AXDND1: variants seen among roughly 807,000 people sequenced by gnomAD.
AXDND1 encodes axonemal dynein light chain domain containing 1.
AXDND1 carries 110 observed loss-of-function variants against 137.5 expected under a neutral mutation model. The ratio of observed to expected loss-of-function variants is 0.80; its 90% CI spans 0.69 to 0.94. The LOEUF (loss-of-function observed/expected upper bound fraction) is 0.94, where lower values mean the gene tolerates loss of function less well. AXDND1 is among the 40% of genes least tolerant of loss of function. The pLI, the probability that AXDND1 is intolerant of heterozygous loss-of-function variation, is 0.00. For synonymous variants in AXDND1, 414 were observed against 399.7 expected (o/e 1.04, Z -0.43); for missense variants, 1,191 against 1,169.8 (o/e 1.02, Z -0.26).
intron 9 of AXDND1, among the ~76,000 whole-genome samples, chr1:179,390,017 GTT>G (rs35107498): frequency 1.4e-5 from 2 of 140,924 alleles, no homozygotes; most frequent in Admixed American, 7.2e-5. Flanking sequence ...ACCTAGATCA[GTT>G]TTTTTTTTTT....
chr1:179,399,780 AT>A (rs1651672412), intron 11 of AXDND1, among the ~76,000 whole-genome samples: 1 of 152,338 alleles, frequency 6.6e-6, no homozygotes, highest in East Asian at 1.9e-4. Context: ...TGAATAGACA[AT>A]TCTCAAAAGA....
chr1:179,521,907 G>A (rs1670098236), intron 21 of AXDND1, among the ~76,000 whole-genome samples: 1 of 151,860 alleles, frequency 6.6e-6, no homozygotes, highest in African/African-American at 2.4e-5. Context: ...CCTTTGAAGT[G>A]AATTCATCTC....
chr1:179,535,018 G>C, intron 25 of AXDND1, 56 bp downstream of exon 25: 1 of 1,603,824 alleles, frequency 6.2e-7, no homozygotes, highest in East Asian at 2.2e-5. Context: ...AAGAAAATTT[G>C]ACTGGGCCAC....
intron 2 of AXDND1, among the ~76,000 whole-genome samples, chr1:179,367,570 C>T (rs1450463579): frequency 6.6e-6 from 1 of 151,478 alleles, no homozygotes. Flanking sequence ...AACCCGGTCT[C>T]TACTAAAAAT....
chr1:179,554,439 T>C, intron 25 of AXDND1, 73 bp from the exon 26 acceptor site: 3 of 1,613,166 alleles, frequency 1.9e-6, no homozygotes, highest in Non-Finnish European at 2.5e-6. Context: ...ATATTTTCCT[T>C]TATCATACAG....
intron 16 of AXDND1, chr1:179,454,828 T>G (rs1187252551): frequency 6.6e-6 from 1 of 152,126 alleles, no homozygotes; most frequent in East Asian, 1.9e-4. Flanking sequence ...GCACGGTGGC[T>G]CAAACCTATA....
intron 18 of AXDND1, among the ~76,000 whole-genome samples, chr1:179,484,023 T>C (rs904226575): frequency 1.1e-4 from 16 of 152,098 alleles, no homozygotes; most frequent in East Asian, 3.9e-4. Flanking sequence ...AGAGGGAAGA[T>C]AGAGATGCTG....
chr1:179,525,409 A>G lies in AXDND1; in HGVS notation c.2572A>G (p.Arg858Gly). 1 of 1,611,774 alleles carries G rather than the reference A, an allele frequency of 6.2e-7. No homozygotes were observed. The highest frequency in any genetic ancestry group is 2.2e-5 in the East Asian group (1 of 44,766). The change falls in exon 22 of 26, where the codon AGG becomes GGG. Residue 858 changes from arginine (R) to glycine (G), a missense_variant. Transcript: ENST00000367618. ...AGATGAAGAAGAAAGTAAGGAGGAT[A>G]GGAAACTTCAGGAGGAAAATAAAGA... Reference protein sequence around the residue: ...KEDEEESKEDRKLQEENKERA... With the variant: ...KEDEEESKEDGKLQEENKERA...
rs115052026 is a variant in AXDND1 at position 179,376,897 on chromosome 1, A to G, written c.375-1740A>G. 5.6e-3 allele frequency among the ~76,000 whole-genome samples: 858 copies of G among 152,194 alleles called. 12 individuals are homozygous for G. The highest frequency in any genetic ancestry group is 0.019 in the African/African-American group (795 of 41,522). ...TGAATTTTGGGCACGTTAATGTACA[A>G]TCCTATAACCCAGGGCACCCAAATT... On this transcript the variant is annotated intron_variant, in intron 4 of 25. Transcript: ENST00000367618.
chr1:179,484,213 G>A (rs1350679277), intron 18 of AXDND1, among the ~76,000 whole-genome samples: 2 of 152,206 alleles, frequency 1.3e-5, no homozygotes, highest in South Asian at 2.1e-4. Flanking sequence ...AGTCACTTGA[G>A]CTGGCAGAGA....
intron 17 of AXDND1, among the ~76,000 whole-genome samples, chr1:179,477,308 G>A (rs1027082270): frequency 6.4e-5 from 3 of 46,620 alleles, no homozygotes; most frequent in African/African-American, 1.6e-4. Context: ...GAACTAACAT[G>A]TGTTAGTTCA....
chr1:179,428,818 G>A (rs762970581), intron 12 of AXDND1, among the ~76,000 whole-genome samples: 24 of 152,126 alleles, frequency 1.6e-4, no homozygotes, highest in Admixed American at 6.6e-4. Context: ...AAATAAATAT[G>A]CTATTTATGT....
intron 4 of AXDND1, 60 bp from the exon 5 acceptor site, chr1:179,378,577 C>A: frequency 7.7e-7 from 1 of 1,295,058 alleles, no homozygotes; most frequent in Non-Finnish European, 1.0e-6. Context: ...ATCTCACCTG[C>A]TGTTATGTGG....
At chr1:179,420,153 G>A (rs954069960) in intron 12 of AXDND1, among the ~76,000 whole-genome samples, 4 of 152,116 alleles carry the variant, frequency 2.6e-5, no homozygotes, top group African/African-American at 9.7e-5. Context: ...TATCATAAAG[G>A]GATGTTGAAT....
chr1:179,533,745 C>T (rs1245073542), intron 23 of AXDND1, 50 bp from the exon 24 acceptor site: 1 of 1,368,504 alleles, frequency 7.3e-7, no homozygotes. Flanking sequence ...AAGTAGAATA[C>T]TAATTGTTGA....
chr1:179,518,019 T>G (rs1175722750), intron 21 of AXDND1, among the ~76,000 whole-genome samples: 1 of 152,174 alleles, frequency 6.6e-6, no homozygotes, highest in East Asian at 1.9e-4. Flanking sequence ...TAATATAACA[T>G]CCATACTTGA....
rs757465218 is a variant in AXDND1 at position 179,395,072 on chromosome 1, T to C, written c.1005-26T>C. 5 of 1,571,676 alleles carry C rather than the reference T, an allele frequency of 3.2e-6. No homozygotes were observed. The East Asian group carries it at 6.7e-5, about 21-fold the overall frequency. ...CTTTTTGGAAATCTCCAAATATGAA[T>C]TAAAAATTTCTTTGCTTTATTTCAG... On this transcript the variant is annotated intron_variant, in intron 10 of 25. Coordinates refer to ENST00000367618, the MANE Select transcript of AXDND1 (RefSeq NM_144696.6).
intron 16 of AXDND1, among the ~76,000 whole-genome samples, chr1:179,465,800 C>T (rs144467123): frequency 6.6e-6 from 1 of 152,156 alleles, no homozygotes; most frequent in Non-Finnish European, 1.5e-5. Context: ...GCTTTGTTTA[C>T]CTACTCAAGC....
At chr1:179,381,943 A>ATTTTTTTTTTTTTTTTTTT (rs71111920) in intron 6 of AXDND1, among the ~76,000 whole-genome samples, 1 of 105,434 alleles carries the variant, frequency 9.5e-6, no homozygotes, top group African/African-American at 3.7e-5. Flanking sequence ...ACCACACCTA[A>ATTTTTTTTTTTTTTTTTTT]TTTTTTTTTT....
Sources: allele counts gnomAD v4.1 joint callset (sites outside exome capture counted in the v4.1 genomes callset), GRCh38; gene constraint gnomAD v4.1.1; transcripts MANE v1.5; gene names NCBI Gene and HGNC (gene_info 2026-07-23, HGNC 2026-07-21).